Variants in NIBAN2 observed in about 807,000 individuals in gnomAD.
NIBAN2 encodes the protein protein Niban 2.
In NIBAN2, 36 loss-of-function variants were observed where a neutral mutation model predicts 81.8. The ratio of observed to expected loss-of-function variants is 0.44; its 90% CI spans 0.34 to 0.58. The LOEUF is 0.58. Ranked by LOEUF, NIBAN2 falls within the 20% of genes least tolerant of loss-of-function variation. NIBAN2 has a pLI of 0.02. For missense variants in NIBAN2, 897 were observed against 1,014.1 expected (o/e 0.88, Z 1.57); for synonymous variants, 445 against 441.6 (o/e 1.01, Z -0.10).
chr9:127,556,267 G>A (rs1837668129), intron 1 of NIBAN2, among the ~76,000 whole-genome samples: 2 of 151,958 alleles, frequency 1.3e-5, no homozygotes, highest in African/African-American at 2.4e-5. Context: ...TCTGAGACAC[G>A]GAGGGGCCCA....
intron 1 of NIBAN2, among the ~76,000 whole-genome samples, chr9:127,560,178 C>T (rs983295981): frequency 1.3e-5 from 2 of 152,174 alleles, no homozygotes; most frequent in Admixed American, 1.3e-4. Flanking sequence ...GCAGAGGCTG[C>T]AAGACCAGTG....
chr9:127,554,548 C>CTTTTTTTTT (rs1230242603), intron 1 of NIBAN2, among the ~76,000 whole-genome samples: 597 of 103,708 alleles, frequency 5.8e-3, no homozygotes, highest in Non-Finnish European at 8.0e-3. Context: ...TTTTCTTTTT[C>CTTTTTTTTT]TTTTTTTTTT....
chr9:127,559,883 G>A lies in NIBAN2; in HGVS notation c.55+8937C>T, dbSNP rs73601513. On this transcript the variant is annotated intron_variant, in intron 1 of 13. Transcript: ENST00000373312. This position sits in a 1 kb window ranked among gnomAD's most constrained non-coding sequence, Gnocchi z 4.0. Reference sequence around the variant, plus strand: ...AGAACGGTAACAGTGGATGAACCAGGAGCCGATGCTCCCTAAGCACAAAGA... The same window carrying A: ...AGAACGGTAACAGTGGATGAACCAGAAGCCGATGCTCCCTAAGCACAAAGA... Among the ~76,000 whole-genome samples the A allele has an allele frequency of 0.057, 8,644 of 152,218 alleles. 454 individuals are homozygous for A. Among genetic ancestry groups the A allele is most frequent in the African/African-American group, 0.13 (5,449 of 41,508 alleles).
At position 127,508,126 on chromosome 9, in the gene NIBAN2, G is replaced by C; in HGVS notation, c.1509C>G (p.Phe503Leu). The C allele has an allele frequency of 1.9e-6, 3 of 1,613,644 alleles. No individual in the cohort carries two copies. The highest frequency in any genetic ancestry group is 2.5e-6 in the Non-Finnish European group (3 of 1,180,016). The change falls in exon 12 of 14, where the codon TTC (phenylalanine) becomes TTG (leucine). Residue 503 changes from phenylalanine (F) to leucine (L), a missense_variant. Coordinates refer to ENST00000373312, the MANE Select transcript of NIBAN2 (RefSeq NM_022833.4). The surrounding 1 kb of genome is among the most constrained non-coding windows in gnomAD (Gnocchi z 6.4). ...AGGTAGGGGCCAGCTTCTTGAGCAG[G>C]AACGGGATGCTGATCTGCAGCAGCG... ...REALLQISIPFLLKKLAPTCK... is the reference protein window; with the variant it reads ...REALLQISIPLLLKKLAPTCK...
chr9:127,544,818 G>A (rs1837442002), intron 1 of NIBAN2, among the ~76,000 whole-genome samples: 1 of 152,154 alleles, frequency 6.6e-6, no homozygotes, highest in South Asian at 2.1e-4. Context: ...CTGTTATCTT[G>A]GCCTTTGGTG....
rs1209866487 is a variant in NIBAN2 at position 127,508,999 on chromosome 9, G to A, written c.1294C>T (p.Arg432Ter). The A allele has an allele frequency of 3.7e-6, 6 of 1,613,846 alleles. No individual in the cohort carries two copies. The highest frequency in any genetic ancestry group is 1.3e-5 in the African/African-American group (1 of 75,014). The change falls in exon 10 of 14, where the codon CGA becomes TGA. Residue 432 changes from arginine to a stop codon, truncating the protein, a stop_gained. Coordinates refer to ENST00000373312, the MANE Select transcript of NIBAN2 (RefSeq NM_022833.4). LOFTEE classifies it high-confidence loss of function. The surrounding 1 kb of genome is among the most constrained non-coding windows in gnomAD (Gnocchi z 6.4). Reference sequence around the variant, plus strand: ...ACCTCCCGCATGTGGATCTGGGCTCGCTGCTTGAACACGGACGTGCTGGAC... The same window carrying A: ...ACCTCCCGCATGTGGATCTGGGCTCACTGCTTGAACACGGACGTGCTGGAC... ...DVSSTSVFKQ[R>*]AQIHMREQMD... is the part of the protein sequence containing the mutation.
In NIBAN2 at chr9:127,517,594, G is replaced by C. The variant is rs1165061964; in HGVS notation, c.705+232C>G. ...CAGGAATTTGTCCACATCATTCCCA[G>C]CTGCACCCCAGTGCCTCGTCCAGGG... On this transcript the variant is annotated intron_variant, in intron 6 of 13. Coordinates refer to ENST00000373312, the MANE Select transcript of NIBAN2 (RefSeq NM_022833.4). This position sits in a 1 kb window ranked among gnomAD's most constrained non-coding sequence, Gnocchi z 4.0. 6.6e-6 allele frequency among the ~76,000 whole-genome samples: 1 copy of C among 152,184 alleles called. No individual in the cohort carries two copies. Among genetic ancestry groups the C allele is most frequent in the East Asian group, 1.9e-4 (1 of 5,200 alleles).
chr9:127,510,148 C>T lies in NIBAN2; in HGVS notation c.1159G>A (p.Glu387Lys). 4 of 1,609,158 alleles carry T rather than the reference C, an allele frequency of 2.5e-6. No individual in the cohort carries two copies. The highest frequency in any genetic ancestry group is 1.1e-5 in the South Asian group (1 of 90,446). The change falls in exon 9 of 14, where the codon GAG (glutamate) becomes AAG (lysine). Residue 387 changes from glutamate (E) to lysine (K), a missense_variant and splice_region_variant. Glu to Lys is a moderately conservative substitution (Grantham distance 56). Around this residue, in one of 3 missense-constraint regions of NIBAN2, gnomAD observed 619 missense variants for 691.0 expected, o/e 0.90. Transcript: ENST00000373312. The part of the protein sequence containing the change: ...INEGGIDKLG[E>K]YMEKLSRLAY... ...CCTAGGGGCGGTGCCGGCCTCACCT[C>T]GCCCAGCTTGTCAATGCCGCCCTCG... is the stretch of plus-strand genomic sequence containing the variant.
In NIBAN2 at chr9:127,563,428, A is replaced by C. The variant is rs1006564831; in HGVS notation, c.55+5392T>G. On this transcript the variant is annotated intron_variant, in intron 1 of 13. Transcript: ENST00000373312. The surrounding 1 kb of genome is among the most constrained non-coding windows in gnomAD (Gnocchi z 4.1). Reference sequence around the variant, plus strand: ...CTCTGCAAAGTCCAGGGGAGCAAAGAGGAAGCCACACAGCAGGGTGAGGGG... The same window carrying C: ...CTCTGCAAAGTCCAGGGGAGCAAAGCGGAAGCCACACAGCAGGGTGAGGGG... Among the ~76,000 whole-genome samples the C allele has an allele frequency of 2.6e-5, 4 of 152,226 alleles. No homozygotes were observed. The highest frequency in any genetic ancestry group is 9.6e-5 in the African/African-American group (4 of 41,456).
chr9:127,511,351 A>G (rs901795031), intron 8 of NIBAN2, among the ~76,000 whole-genome samples: 19 of 152,102 alleles, frequency 1.2e-4, no homozygotes, highest in African/African-American at 3.9e-4. Context: ...CTCAGCCCCC[A>G]TCAATACTTT....
At chr9:127,534,685 A>C (rs1333314030) in intron 1 of NIBAN2, among the ~76,000 whole-genome samples, 1 of 152,142 alleles carries the variant, frequency 6.6e-6, no homozygotes, top group Non-Finnish European at 1.5e-5. Context: ...GAGTGAGGTC[A>C]TGTCTGTCCA....
intron 1 of NIBAN2, among the ~76,000 whole-genome samples, chr9:127,554,758 G>C (rs1837638791): frequency 1.3e-5 from 2 of 151,228 alleles, no homozygotes; most frequent in Non-Finnish European, 3.0e-5. Flanking sequence ...ACGGGGGGTG[G>C]GGGTTTCACC....
rs186496257 is a variant in NIBAN2, at chr9:127,517,365, G to A, written c.706-149C>T. The stretch of plus-strand genomic sequence containing the variant: ...CACCCTCCCTGCTGCCCTCTCTCCT[G>A]AGCTCCATTCCCACAGGTCCCAACT... On this transcript the variant is annotated intron_variant, in intron 6 of 13. Coordinates refer to ENST00000373312, the MANE Select transcript of NIBAN2 (RefSeq NM_022833.4). This position sits in a 1 kb window ranked among gnomAD's most constrained non-coding sequence, Gnocchi z 4.0. 923 of 666,484 alleles carry A rather than the reference G, an allele frequency of 1.4e-3. 2 individuals carry two copies. Among genetic ancestry groups the A allele is most frequent in the Non-Finnish European group, 1.7e-3 (666 of 387,368 alleles). The allele number at this position is 666,484 out of a possible 1,614,324, so 41.3% of individuals were successfully genotyped here. A position where few individuals can be genotyped will look rare whatever the true frequency, so the allele number is the denominator to read the frequency against.
rs143680515 is a variant in NIBAN2, at chr9:127,517,256, G to A, written c.706-40C>T. On this transcript the variant is annotated intron_variant, in intron 6 of 13. Transcript: ENST00000373312. The surrounding 1 kb of genome is among the most constrained non-coding windows in gnomAD (Gnocchi z 4.0). The stretch of plus-strand genomic sequence containing the variant: ...CACAAGCCAGGCCAGGGGCTGGAGA[G>A]CGCTCAGCTGGCCTGTTTCTCTCTG... 1 of 1,563,618 alleles carries A rather than the reference G, an allele frequency of 6.4e-7. No individual in the cohort carries two copies. The highest frequency in any genetic ancestry group is 1.1e-5 in the South Asian group (1 of 89,108).
intron 5 of NIBAN2, among the ~76,000 whole-genome samples, chr9:127,520,751 GCA>G (rs1588158508): frequency 6.6e-6 from 1 of 152,076 alleles, no homozygotes; most frequent in East Asian, 1.9e-4. Context: ...AGGTGTGGTG[GCA>G]CACGCCTGTA....
At chr9:127,547,012 C>G (rs892487299) in intron 1 of NIBAN2, among the ~76,000 whole-genome samples, 1 of 150,950 alleles carries the variant, frequency 6.6e-6, no homozygotes, top group Non-Finnish European at 1.5e-5. Context: ...AGCAGAAGAC[C>G]CGAGAAAGGC....
rs1588175748 is a variant in NIBAN2 at position 127,545,030 on chromosome 9, T to C, written c.56-13252A>G. On this transcript the variant is annotated intron_variant, in intron 1 of 13. Transcript: ENST00000373312. The surrounding 1 kb of genome is among the most constrained non-coding windows in gnomAD (Gnocchi z 4.7). ...TAGTGTCCCAGCTCCTCTGAGACCA[T>C]CTTGGGGAGAAACAGGTGAATGGGG... is the stretch of plus-strand genomic sequence containing the variant. Among the ~76,000 whole-genome samples the C allele has an allele frequency of 6.6e-6, 1 of 152,280 alleles. No individual in the cohort carries two copies. The highest frequency in any genetic ancestry group is 3.4e-3 in the Middle Eastern group (1 of 294).
intron 1 of NIBAN2, among the ~76,000 whole-genome samples, chr9:127,567,694 G>A (rs574375219): frequency 4.6e-5 from 7 of 152,292 alleles, no homozygotes; most frequent in South Asian, 2.1e-4. Context: ...ATAAGTGCAG[G>A]CGGACGCGGT....
At chr9:127,518,460 C>T (rs994730358) in intron 5 of NIBAN2, among the ~76,000 whole-genome samples, 1 of 152,258 alleles carries the variant, frequency 6.6e-6, no homozygotes, top group African/African-American at 2.4e-5. Context: ...AGCAGATATT[C>T]TCAGCCCGGC....
Sources: allele counts gnomAD v4.1 joint callset (sites outside exome capture counted in the v4.1 genomes callset), GRCh38; gene constraint gnomAD v4.1.1; regional missense constraint gnomAD v4.1.1; non-coding constraint Gnocchi (gnomAD v3.1); transcripts MANE v1.5; gene names NCBI Gene and HGNC (gene_info 2026-07-23, HGNC 2026-07-21).